The following DNAH11 variants were observed in gnomAD, a reference collection of about 807,000 sequenced individuals.
The protein encoded by DNAH11 is dynein axonemal heavy chain 11.
Under a neutral mutation model 526.0 loss-of-function variants are expected in DNAH11, and 442 were observed. The observed-to-expected ratio is 0.84, with a 90% confidence interval of 0.78 to 0.91. The LOEUF is 0.91. Ranked by LOEUF, DNAH11 falls within the 40% of genes least tolerant of loss-of-function variation. The probability of loss-of-function intolerance (pLI) is 0.00; values close to 1 mark genes in which losing one functional copy is unlikely to be tolerated. For synonymous variants in DNAH11, 2,461 were observed against 1,935.9 expected, an observed-to-expected ratio of 1.27 and a Z score of -7.12; for missense variants, 6,989 against 5,448.7, an observed-to-expected ratio of 1.28 and a Z score of -8.90.
intron 20 of DNAH11, among the ~76,000 whole-genome samples, chr7:21,608,687 T>C (rs987684236): frequency 6.6e-6 from 1 of 152,212 alleles, no homozygotes; most frequent in African/African-American, 2.4e-5. Context: ...ATGTCTAAAT[T>C]GCAGGTGGTC....
chr7:21,770,687 A>C (rs946932200), intron 55 of DNAH11, among the ~76,000 whole-genome samples: 1 of 152,186 alleles, frequency 6.6e-6, no homozygotes, highest in Admixed American at 6.5e-5. Flanking sequence ...ATGTTTGACT[A>C]TTGGGAAAGC....
At chr7:21,655,713 C>G in intron 28 of DNAH11, 119 bp from the exon 29 acceptor site, 1 of 1,041,374 alleles carries the variant, frequency 9.6e-7, no homozygotes, top group Non-Finnish European at 1.3e-6. Context: ...TGAGGGAAAA[C>G]ATTTTGAGAC....
chr7:21,631,550 G>C (rs899616206), intron 25 of DNAH11, among the ~76,000 whole-genome samples: 6 of 152,150 alleles, frequency 3.9e-5, no homozygotes, highest in Non-Finnish European at 8.8e-5. Flanking sequence ...TTCCAAATGG[G>C]AGAAAGCAGC....
intron 9 of DNAH11, among the ~76,000 whole-genome samples, chr7:21,584,949 A>G (rs1784434982): frequency 1.3e-5 from 2 of 151,542 alleles, no homozygotes; most frequent in South Asian, 4.1e-4. Flanking sequence ...ACAAATAACT[A>G]AAAAAAATGT....
In DNAH11 at chr7:21,816,529, T is replaced by A. The variant is rs779585124; in HGVS notation, c.10395T>A (p.Ile3465=). 3 of 1,612,744 alleles carry A rather than the reference T, an allele frequency of 1.9e-6. No individual in the cohort carries two copies. The highest frequency in any genetic ancestry group is 1.1e-5 in the South Asian group (1 of 90,620). Residue 3465 remains isoleucine, a synonymous_variant, in exon 64 of 82, where the codon ATT becomes ATA. Transcript: ENST00000409508. ...CCATGTTGACGGATGATGCTACAAT[T>A]GCCGCCTGGAATAACGAAGGACTGC... ...LISMLTDDAT[I]AAWNNEGLPS...
chr7:21,850,348 CTG>C (rs1381322784), intron 66 of DNAH11, among the ~76,000 whole-genome samples: 7 of 109,830 alleles, frequency 6.4e-5, no homozygotes, highest in African/African-American at 2.5e-4. Context: ...AGAGGAGACT[CTG>C]TCTCAAAAAA....
intron 61 of DNAH11, among the ~76,000 whole-genome samples, chr7:21,794,023 T>C (rs1788597170): frequency 6.6e-6 from 1 of 152,250 alleles, no homozygotes; most frequent in Non-Finnish European, 1.5e-5. Context: ...TTCTTTCTTC[T>C]GCTTTACTCA....
At chr7:21,682,100 G>A (rs1783166882) in intron 31 of DNAH11, among the ~76,000 whole-genome samples, 1 of 152,210 alleles carries the variant, frequency 6.6e-6, no homozygotes, top group South Asian at 2.1e-4. Flanking sequence ...CCCTTGAAGA[G>A]AGAGGTGTTG....
At chr7:21,805,459 T>C (rs781062589) in intron 62 of DNAH11, among the ~76,000 whole-genome samples, 3 of 152,116 alleles carry the variant, frequency 2.0e-5, no homozygotes, top group Non-Finnish European at 2.9e-5. Flanking sequence ...TTTGGGAGCC[T>C]CCTGTATTAA....
intron 45 of DNAH11, among the ~76,000 whole-genome samples, chr7:21,727,443 G>A (rs992552309): frequency 6.6e-6 from 1 of 152,150 alleles, no homozygotes; most frequent in Non-Finnish European, 1.5e-5. Context: ...GCTATCAAAT[G>A]AATATGTTTA....
chr7:21,605,709 C>CT lies in DNAH11; in HGVS notation c.3649-709dup, dbSNP rs557530810. Among the ~76,000 whole-genome samples the CT allele has an allele frequency of 5.7e-4, 87 of 152,108 alleles. 2 individuals carry two copies. In the South Asian group the frequency reaches 0.016, roughly 27 times the overall value. ...CCTTGCCCCAGCATTTTCAAAGCATCTTTTTTTTCACTTGCTAAATTACTA... is the reference window on the plus strand; with the variant it reads ...CCTTGCCCCAGCATTTTCAAAGCATCTTTTTTTTTCACTTGCTAAATTACTA... On this transcript the variant is annotated intron_variant, in intron 18 of 81. Coordinates refer to ENST00000409508, the MANE Select transcript of DNAH11 (RefSeq NM_001277115.2).
intron 57 of DNAH11, among the ~76,000 whole-genome samples, chr7:21,780,457 A>AGCTAATTCT (rs913986502): frequency 2.0e-5 from 3 of 152,354 alleles, no homozygotes; most frequent in African/African-American, 7.2e-5. Context: ...AGTCACCGTT[A>AGCTAATTCT]GCTAATTCTA....
intron 42 of DNAH11, 125 bp downstream of exon 42, chr7:21,711,985 G>A: frequency 8.8e-7 from 1 of 1,141,886 alleles, no homozygotes. Flanking sequence ...TCTCTGGAAG[G>A]ATTTTATCTT....
chr7:21,729,349 A>G (rs1785272725), intron 45 of DNAH11, among the ~76,000 whole-genome samples: 1 of 152,154 alleles, frequency 6.6e-6, no homozygotes, highest in Non-Finnish European at 1.5e-5. Flanking sequence ...TTTGTCTAAG[A>G]ATTACACCCC....
At chr7:21,899,882 A>C in intron 80 of DNAH11, 98 bp from the exon 81 acceptor site, 2 of 1,435,378 alleles carry the variant, frequency 1.4e-6, no homozygotes, top group South Asian at 1.4e-5. Context: ...AACCTAAAAC[A>C]CCCTATGGGA....
chr7:21,838,959 G>T (rs1562576614), intron 65 of DNAH11, among the ~76,000 whole-genome samples: 2 of 152,118 alleles, frequency 1.3e-5, no homozygotes, highest in African/African-American at 2.4e-5. Context: ...CCCATTAGCA[G>T]TGTATGAGGG....
intron 74 of DNAH11, 68 bp from the exon 75 acceptor site, chr7:21,880,634 A>C: frequency 5.8e-6 from 9 of 1,552,124 alleles, no homozygotes; most frequent in Non-Finnish European, 7.9e-6. Context: ...AGATTATTGA[A>C]AACGCAGACC....
chr7:21,875,545 C>T (rs942817124), intron 74 of DNAH11, among the ~76,000 whole-genome samples: 1 of 152,112 alleles, frequency 6.6e-6, no homozygotes, highest in African/African-American at 2.4e-5. Flanking sequence ...TGCCTACAAT[C>T]CCAGCACTTT....
intron 67 of DNAH11, among the ~76,000 whole-genome samples, chr7:21,853,975 G>A (rs1326381035): frequency 1.3e-5 from 2 of 152,148 alleles, no homozygotes; most frequent in Non-Finnish European, 2.9e-5. Context: ...ATCCCTGGGA[G>A]GTGATATAGC....
Sources: allele counts gnomAD v4.1 joint callset (sites outside exome capture counted in the v4.1 genomes callset), GRCh38; gene constraint gnomAD v4.1.1; transcripts MANE v1.5; gene names NCBI Gene and HGNC (gene_info 2026-07-23, HGNC 2026-07-21).